Variants in PPP1CB observed in about 807,000 individuals in gnomAD.
The protein encoded by PPP1CB is protein phosphatase 1 catalytic subunit beta.
Under a neutral mutation model 43.7 loss-of-function variants are expected in PPP1CB, and 2 were observed. The observed-to-expected ratio is 0.05, with a 90% confidence interval of 0.02 to 0.14. The LOEUF (loss-of-function observed/expected upper bound fraction) is 0.14. Among genes scored for constraint, PPP1CB ranks in the 10% least tolerant of loss-of-function variants. The pLI, the probability that PPP1CB is intolerant of heterozygous loss-of-function variation, is 1.00. For missense variants in PPP1CB, 84 were observed against 398.0 expected (o/e 0.21, Z 6.71); for synonymous variants, 136 against 135.6 (o/e 1.00, Z -0.02).
chr2:28,782,389 G>A (rs1195981879), intron 4 of PPP1CB: 1 of 155,108 alleles, frequency 6.4e-6, no homozygotes, highest in Non-Finnish European at 1.4e-5. Context: ...CTAGTAGATA[G>A]TGTATGATCT....
At chr2:28,754,554 C>G (rs1435376822) in intron 1 of PPP1CB, among the ~76,000 whole-genome samples, 2 of 152,180 alleles carry the variant, frequency 1.3e-5, no homozygotes, top group East Asian at 3.8e-4. Flanking sequence ...TCTATCAGTA[C>G]TTCTTCATCC....
Position 28,761,864 on chromosome 2 carries a change from A to G in PPP1CB, c.52+9688A>G, listed in dbSNP as rs116556450. 4.1e-3 allele frequency among the ~76,000 whole-genome samples: 632 copies of G among 152,340 alleles called. 5 individuals carry two copies. The highest frequency in any genetic ancestry group is 0.014 in the African/African-American group (598 of 41,578). On this transcript the variant is annotated intron_variant, in intron 1 of 7. Transcript: ENST00000395366. Reference sequence around the variant, plus strand: ...CAGGAACTATAGGGCAGTGTATCTTAAACTTTGAGTCTTGAGACCCTCTTA... The same window carrying G: ...CAGGAACTATAGGGCAGTGTATCTTGAACTTTGAGTCTTGAGACCCTCTTA...
chr2:28,753,898 C>G (rs946041178), intron 1 of PPP1CB, among the ~76,000 whole-genome samples: 30 of 152,032 alleles, frequency 2.0e-4, no homozygotes, highest in Admixed American at 1.8e-3. Flanking sequence ...TCATGCCCGG[C>G]TAATTTTTTT....
chr2:28,767,934 C>A (rs1666817564), intron 1 of PPP1CB, among the ~76,000 whole-genome samples: 1 of 152,154 alleles, frequency 6.6e-6, no homozygotes, highest in East Asian at 1.9e-4. Context: ...GAAAGATAAC[C>A]TTACTGGAAG....
At chr2:28,755,794 G>A (rs1415803337) in intron 1 of PPP1CB, among the ~76,000 whole-genome samples, 2 of 152,204 alleles carry the variant, frequency 1.3e-5, no homozygotes, top group Admixed American at 6.5e-5. Flanking sequence ...GTGAATAAGA[G>A]TGCCAGCTCT....
chr2:28,777,624 C>T (rs1667069079), intron 2 of PPP1CB, among the ~76,000 whole-genome samples: 2 of 152,230 alleles, frequency 1.3e-5, no homozygotes, highest in East Asian at 1.9e-4. Context: ...AAGAGATACT[C>T]GCTAAGTAAA....
At position 28,801,125 on chromosome 2, in the gene PPP1CB, T is replaced by G. The variant is rs1667606058; in HGVS notation, c.*1822T>G. 1 of 152,380 alleles carries G rather than the reference T, an allele frequency of 6.6e-6. No individual in the cohort carries two copies. The highest frequency in any genetic ancestry group is 2.4e-5 in the African/African-American group (1 of 41,458). 9.4% of individuals were successfully genotyped at this position (152,380 alleles called of 1,614,324 possible). On this transcript the variant is annotated 3_prime_UTR_variant, in exon 8 of 8. Transcript: ENST00000395366. ...CATAGATACTATGTCCTTGACATAT[T>G]GAAATGATTCTTTTCTGAAAGTATT...
chr2:28,796,740 C>G (rs1187535548), intron 7 of PPP1CB, among the ~76,000 whole-genome samples: 1 of 152,094 alleles, frequency 6.6e-6, no homozygotes, highest in Non-Finnish European at 1.5e-5. Context: ...TTATCTTCCT[C>G]TCTTCTTATT....
chr2:28,795,427 C>A (rs1667480210), intron 7 of PPP1CB, among the ~76,000 whole-genome samples: 1 of 152,168 alleles, frequency 6.6e-6, no homozygotes, highest in South Asian at 2.1e-4. Context: ...AACTAATTTA[C>A]ACTCCCACCA....
At chr2:28,775,681 T>G (rs554659298) in intron 1 of PPP1CB, among the ~76,000 whole-genome samples, 1 of 152,296 alleles carries the variant, frequency 6.6e-6, no homozygotes, top group African/African-American at 2.4e-5. Flanking sequence ...CCAGCCTATT[T>G]TCTTTTCTTA....
intron 5 of PPP1CB, among the ~76,000 whole-genome samples, chr2:28,785,070 T>C (rs1175385423): frequency 1.1e-5 from 1 of 90,196 alleles, no homozygotes; most frequent in Admixed American, 9.7e-5. Context: ...AGGAGCTTTT[T>C]TTTTTTTTTT....
chr2:28,758,210 A>C (rs771484190), intron 1 of PPP1CB, among the ~76,000 whole-genome samples: 1 of 151,804 alleles, frequency 6.6e-6, no homozygotes, highest in African/African-American at 2.4e-5. Context: ...TAATTAAAAA[A>C]AATTGGTAGA....
chr2:28,783,757 G>GAAA (rs11449670), intron 4 of PPP1CB, 150 bp from the exon 5 acceptor site: 38 of 475,416 alleles, frequency 8.0e-5, no homozygotes, highest in Middle Eastern at 6.2e-4. Context: ...ATTCTGTCTC[G>GAAA]AAAAAAAAAA....
At position 28,773,757 on chromosome 2, in the gene PPP1CB, T is replaced by C. The variant is rs550066537; in HGVS notation, c.53-3094T>C. Reference sequence around the variant, plus strand: ...GGATTGCCCTGGGACATCTGCCTTATTCTGTCCAACCTTTGGCTAATTTAT... The same window carrying C: ...GGATTGCCCTGGGACATCTGCCTTACTCTGTCCAACCTTTGGCTAATTTAT... On this transcript the variant is annotated intron_variant, in intron 1 of 7. Coordinates refer to ENST00000395366, the MANE Select transcript of PPP1CB (RefSeq NM_002709.3). Among the ~76,000 whole-genome samples the C allele has an allele frequency of 9.2e-5, 14 of 152,354 alleles. No individual in the cohort carries two copies. The East Asian group carries it at 2.7e-3, about 29-fold the overall frequency.
chr2:28,752,730 AAG>A (rs1272772644), intron 1 of PPP1CB, among the ~76,000 whole-genome samples: 1 of 152,120 alleles, frequency 6.6e-6, no homozygotes, highest in African/African-American at 2.4e-5. Flanking sequence ...ATTCTTCTTA[AAG>A]AGAGGATAAA....
chr2:28,785,529 AG>A (rs1274997797), intron 5 of PPP1CB, among the ~76,000 whole-genome samples: 1 of 152,168 alleles, frequency 6.6e-6, no homozygotes, highest in East Asian at 1.9e-4. Context: ...TGCTGTTTTT[AG>A]GCCTGGTGCA....
chr2:28,788,394 G>GT (rs1667317176), intron 5 of PPP1CB, among the ~76,000 whole-genome samples: 1 of 152,198 alleles, frequency 6.6e-6, no homozygotes, highest in Non-Finnish European at 1.5e-5. Context: ...TTGTTGTGCT[G>GT]TAAGTGCCAT....
At chr2:28,770,818 C>T (rs1037221445) in intron 1 of PPP1CB, among the ~76,000 whole-genome samples, 2 of 152,062 alleles carry the variant, frequency 1.3e-5, no homozygotes, top group Non-Finnish European at 2.9e-5. Flanking sequence ...CTAAAATATA[C>T]CATATGCTAT....
intron 3 of PPP1CB, 50 bp from the exon 4 acceptor site, chr2:28,781,688 A>G (rs758840384): frequency 2.4e-6 from 3 of 1,263,230 alleles, no homozygotes; most frequent in Non-Finnish European, 3.4e-6. Flanking sequence ...GAGATAACTG[A>G]TGAGAACAGT....
Sources: gnomAD v4.1 joint callset for allele counts (sites outside exome capture counted in the v4.1 genomes callset) on GRCh38, gnomAD v4.1.1 for gene constraint, MANE v1.5 for transcripts, NCBI Gene and HGNC (gene_info 2026-07-23, HGNC 2026-07-21) for gene names.